GLI2: variants seen among roughly 807,000 people sequenced by gnomAD.
GLI2 encodes transcription activator GLI2.
GLI2 carries 22 observed loss-of-function variants against 78.9 expected under a neutral mutation model. The ratio of observed to expected loss-of-function variants is 0.28; its 90% confidence interval spans 0.20 to 0.40. The LOEUF (loss-of-function observed/expected upper bound fraction) is 0.40, where lower values mean the gene tolerates loss of function less well. GLI2 is among the 10% of genes least tolerant of loss of function. The probability of loss-of-function intolerance (pLI) is 1.00; values close to 1 mark genes in which losing one functional copy is unlikely to be tolerated. For synonymous variants in GLI2, 974 were observed against 963.7 expected (o/e 1.01, Z -0.20); for missense variants, 2,097 against 2,213.2 (o/e 0.95, Z 1.05).
intron 2 of GLI2, among the ~76,000 whole-genome samples, chr2:120,826,072 T>A (rs1686041413): frequency 6.7e-6 from 1 of 149,884 alleles, no homozygotes. Flanking sequence ...AGCAGAGCGT[T>A]GGGCCGTGGC....
At position 120,796,301 on chromosome 2, in the gene GLI2, C is replaced by T. The variant is rs979024902; in HGVS notation, c.-30-990C>T. On this transcript the variant is annotated intron_variant, in intron 1 of 13. Coordinates refer to ENST00000361492, the MANE Select transcript of GLI2 (RefSeq NM_001374353.1). ...CATGTCCATGTTTCACCAGCTCCACCGCCACCTGCTTAACCCAAACCACCA... is the reference window on the plus strand; with the variant it reads ...CATGTCCATGTTTCACCAGCTCCACTGCCACCTGCTTAACCCAAACCACCA... Among the ~76,000 whole-genome samples, 8 of 152,158 alleles carry T rather than the reference C, an allele frequency of 5.3e-5. No individual in the cohort carries two copies. In the East Asian group the frequency reaches 5.8e-4, roughly 11 times the overall value.
intron 1 of GLI2, among the ~76,000 whole-genome samples, chr2:120,773,739 C>T (rs1036159622): frequency 1.3e-5 from 2 of 152,120 alleles, no homozygotes; most frequent in Non-Finnish European, 2.9e-5. Context: ...GCAGCACGGC[C>T]TTGGGGCTCA....
chr2:120,748,458 A>G (rs1682758767), intron 1 of GLI2, among the ~76,000 whole-genome samples: 1 of 152,098 alleles, frequency 6.6e-6, no homozygotes, highest in Non-Finnish European at 1.5e-5. Flanking sequence ...AGGAAGGGCA[A>G]TCTGGGCAGA....
intron 2 of GLI2, among the ~76,000 whole-genome samples, chr2:120,860,699 G>T (rs1290720134): frequency 6.6e-6 from 1 of 152,240 alleles, no homozygotes; most frequent in Non-Finnish European, 1.5e-5. Flanking sequence ...AGAAGGCCCT[G>T]TGTGGAAGAG....
At position 120,989,489 on chromosome 2, in the gene GLI2, A is replaced by C. The variant is rs1278476876; in HGVS notation, c.3524A>C (p.Gln1175Pro). Residue 1175 changes from glutamine to proline, a missense_variant, in exon 14 of 14, where the codon CAG becomes CCG. Physicochemically the swap from Gln to Pro is moderately conservative, Grantham distance 76 (BLOSUM62 -1). Transcript: ENST00000361492. ...CCGGGCTACAGTCCGCAAGGCCTAC[A>C]GGCTAGCCCTGGGGGCCTGGACAGC... ...QYPGYSPQGL[Q>P]ASPGGLDSTQ... 1 of 1,612,626 alleles carries C rather than the reference A, an allele frequency of 6.2e-7. No homozygotes were observed. The highest frequency in any genetic ancestry group is 2.2e-5 in the East Asian group (1 of 44,866).
chr2:120,883,449 T>A (rs1267221708), intron 2 of GLI2, among the ~76,000 whole-genome samples: 1 of 152,182 alleles, frequency 6.6e-6, no homozygotes, highest in Non-Finnish European at 1.5e-5. Flanking sequence ...GTCGCACCAC[T>A]GCACCCCAGC....
intron 1 of GLI2, among the ~76,000 whole-genome samples, chr2:120,753,241 G>A (rs1418026509): frequency 1.3e-5 from 2 of 151,908 alleles, no homozygotes; most frequent in Non-Finnish European, 2.9e-5. Flanking sequence ...GATTATAGGC[G>A]TCCGCCACCA....
chr2:120,810,700 C>G (rs1342477469), intron 2 of GLI2, among the ~76,000 whole-genome samples: 2 of 152,226 alleles, frequency 1.3e-5, no homozygotes, highest in Non-Finnish European at 2.9e-5. Context: ...AGTTAGGACA[C>G]TTGCTGCAAG....
At chr2:120,820,607 C>T (rs1003690827) in intron 2 of GLI2, among the ~76,000 whole-genome samples, 1 of 152,204 alleles carries the variant, frequency 6.6e-6, no homozygotes, top group Non-Finnish European at 1.5e-5. Context: ...CCTGCGGGGA[C>T]GGCTGCTGTC....
chr2:120,797,585 G>T (rs1490220609), intron 2 of GLI2, 117 bp downstream of exon 2: 20 of 956,652 alleles, frequency 2.1e-5, no homozygotes, highest in Non-Finnish European at 3.2e-5. Flanking sequence ...TATGGAGGGC[G>T]AAGAGGAAGG....
At chr2:120,924,857 G>A (rs1397358756) in intron 2 of GLI2, among the ~76,000 whole-genome samples, 1 of 152,248 alleles carries the variant, frequency 6.6e-6, no homozygotes, top group Non-Finnish European at 1.5e-5. Flanking sequence ...CCTCAGCAGT[G>A]ACACTTGTTG....
At chr2:120,918,971 G>C (rs948973214) in intron 2 of GLI2, among the ~76,000 whole-genome samples, 1 of 152,200 alleles carries the variant, frequency 6.6e-6, no homozygotes, top group Non-Finnish European at 1.5e-5. Context: ...TGTGACACTG[G>C]AGCAAGCTGG....
At chr2:120,986,063 T>G (rs1307006825) in intron 12 of GLI2, among the ~76,000 whole-genome samples, 1 of 152,258 alleles carries the variant, frequency 6.6e-6, no homozygotes, top group Non-Finnish European at 1.5e-5. Context: ...CATCTCATAG[T>G]TGGGGAAGCC....
At chr2:120,872,452 C>T (rs1688513823) in intron 2 of GLI2, among the ~76,000 whole-genome samples, 1 of 152,324 alleles carries the variant, frequency 6.6e-6, no homozygotes. Context: ...CTGCAGGATG[C>T]ATAGAATGTT....
chr2:120,931,339 G>A (rs1679935989), intron 3 of GLI2, among the ~76,000 whole-genome samples: 1 of 152,184 alleles, frequency 6.6e-6, no homozygotes, highest in Non-Finnish European at 1.5e-5. Flanking sequence ...TTCCTAGTCT[G>A]TGGGAGTTTT....
chr2:120,782,566 C>T (rs1683880055), intron 1 of GLI2, among the ~76,000 whole-genome samples: 1 of 152,246 alleles, frequency 6.6e-6, no homozygotes, highest in Admixed American at 6.5e-5. Flanking sequence ...GTATGCACCA[C>T]TGCCTCTTTA....
At chr2:120,943,316 AG>A (rs1680554776) in intron 3 of GLI2, among the ~76,000 whole-genome samples, 1 of 152,268 alleles carries the variant, frequency 6.6e-6, no homozygotes, top group South Asian at 2.1e-4. Context: ...GCATGACTGG[AG>A]GTGCAGACAT....
intron 3 of GLI2, among the ~76,000 whole-genome samples, chr2:120,950,848 AT>A (rs1680946906): frequency 6.6e-6 from 1 of 152,104 alleles, no homozygotes; most frequent in African/African-American, 2.4e-5. Flanking sequence ...GTATTTTCAT[AT>A]TCGTTTTCAT....
intron 3 of GLI2, 131 bp downstream of exon 3, chr2:120,927,597 C>T (rs371369562): frequency 1.8e-4 from 134 of 751,184 alleles, no homozygotes; most frequent in East Asian, 4.3e-4. Flanking sequence ...TTGTCCTGAG[C>T]GGGCGATCAC....
Sources: gnomAD v4.1 joint callset for allele counts (sites outside exome capture counted in the v4.1 genomes callset) on GRCh38, gnomAD v4.1.1 for gene constraint, MANE v1.5 for transcripts, NCBI Gene and HGNC (gene_info 2026-07-23, HGNC 2026-07-21) for gene names.